SNX4: variants seen among roughly 807,000 people sequenced by gnomAD.
The protein encoded by SNX4 is sorting nexin-4.
In SNX4, 49 loss-of-function variants were observed where a neutral mutation model predicts 70.8. The ratio of observed to expected loss-of-function variants is 0.69; its 90% CI spans 0.55 to 0.88. The LOEUF is 0.88. SNX4 is among the 40% of genes least tolerant of loss of function. The probability of loss-of-function intolerance (pLI) is 0.00; values close to 1 mark genes in which losing one functional copy is unlikely to be tolerated. For synonymous variants in SNX4, 206 were observed against 183.8 expected (o/e 1.12, Z -0.98); for missense variants, 528 against 544.8 (o/e 0.97, Z 0.31).
chr3:125,470,797 G>A (rs1934149838), intron 8 of SNX4, among the ~76,000 whole-genome samples: 1 of 152,116 alleles, frequency 6.6e-6, no homozygotes, highest in African/African-American at 2.4e-5. Flanking sequence ...TGTGCAAATA[G>A]GTTCTATTTG....
At chr3:125,451,483 A>C in intron 12 of SNX4, 64 bp from the exon 13 acceptor site, 1 of 1,194,646 alleles carries the variant, frequency 8.4e-7, no homozygotes, top group Non-Finnish European at 1.2e-6. Flanking sequence ...TAAAAAGTTA[A>C]CCAGTTCTCA....
At chr3:125,483,442 T>C (rs537891887) in intron 6 of SNX4, among the ~76,000 whole-genome samples, 23 of 152,300 alleles carry the variant, frequency 1.5e-4, no homozygotes, top group African/African-American at 5.3e-4. Context: ...CTGGCATGAC[T>C]ACAAAATTCT....
At position 125,497,329 on chromosome 3, in the gene SNX4, A is replaced by C; in HGVS notation, c.597+12T>G. ...TAAAGGAACATGGCAAATTTCATATAAATATTCTTACCTTCAGCTGAAACC... is the reference window on the plus strand; with the variant it reads ...TAAAGGAACATGGCAAATTTCATATCAATATTCTTACCTTCAGCTGAAACC... On this transcript the variant is annotated intron_variant, in intron 5 of 13. Coordinates refer to ENST00000251775, the MANE Select transcript of SNX4 (RefSeq NM_003794.4). 3 of 1,588,624 alleles carry C rather than the reference A, an allele frequency of 1.9e-6. No individual in the cohort carries two copies. Among genetic ancestry groups the C allele is most frequent in the Non-Finnish European group, 8.6e-7 (1 of 1,158,828 alleles).
intron 5 of SNX4, among the ~76,000 whole-genome samples, chr3:125,495,541 A>G (rs988653970): frequency 2.0e-5 from 3 of 151,874 alleles, no homozygotes; most frequent in Non-Finnish European, 2.9e-5. Flanking sequence ...TTACCTTTCA[A>G]ATACTTTTCA....
At chr3:125,465,182 A>G (rs900524164) in intron 9 of SNX4, among the ~76,000 whole-genome samples, 3 of 151,996 alleles carry the variant, frequency 2.0e-5, no homozygotes, top group African/African-American at 4.8e-5. Flanking sequence ...TACCTGGTCA[A>G]TCTGTTTAAC....
intron 9 of SNX4, among the ~76,000 whole-genome samples, chr3:125,463,809 G>C (rs1933939290): frequency 6.6e-6 from 1 of 152,136 alleles, no homozygotes; most frequent in Non-Finnish European, 1.5e-5. Context: ...GAATATTTAA[G>C]ATCTATTTTT....
intron 11 of SNX4, among the ~76,000 whole-genome samples, chr3:125,454,658 G>T (rs1933663624): frequency 6.6e-6 from 1 of 152,156 alleles, no homozygotes; most frequent in Non-Finnish European, 1.5e-5. Context: ...TCTCACTGAA[G>T]ATACTGAGGG....
Position 125,453,857 on chromosome 3 carries a change from T to G in SNX4, c.1143A>C (p.Gln381His), listed in dbSNP as rs1933641907. The G allele has an allele frequency of 1.2e-6, 2 of 1,613,980 alleles. No homozygotes were observed. ...REARIKVLEE[Q>H]INEGEQQLKS... Reference sequence around the variant, plus strand: ...TTAGCTGTTGTTCTCCTTCATTTATTTGTTCTTCTAGCACCTTTATTCTGG... The same window carrying G: ...TTAGCTGTTGTTCTCCTTCATTTATGTGTTCTTCTAGCACCTTTATTCTGG... Residue 381 changes from glutamine to histidine, a missense_variant, in exon 12 of 14, where the codon CAA (glutamine) becomes CAC (histidine). Physicochemically the swap from Gln to His is conservative, Grantham distance 24. Around this residue, in one of 3 missense-constraint regions of SNX4, gnomAD observed 159 missense variants for 172.6 expected, o/e 0.92. Transcript: ENST00000251775.
At chr3:125,478,838 A>T (rs751878356) in intron 7 of SNX4, among the ~76,000 whole-genome samples, 3 of 152,118 alleles carry the variant, frequency 2.0e-5, no homozygotes, top group Non-Finnish European at 2.9e-5. Context: ...ACTATTGCCT[A>T]ATTTGTCTGG....
chr3:125,509,576 AC>A (rs1935124740), intron 1 of SNX4, among the ~76,000 whole-genome samples: 1 of 151,848 alleles, frequency 6.6e-6, no homozygotes, highest in South Asian at 2.1e-4. Context: ...ACATGGTGAA[AC>A]CCTGTCTCTA....
At chr3:125,455,542 T>G (rs937863078) in intron 11 of SNX4, among the ~76,000 whole-genome samples, 4 of 152,210 alleles carry the variant, frequency 2.6e-5, no homozygotes, top group Admixed American at 2.6e-4. Context: ...TCCCTTGACA[T>G]GTAGGATAGA....
chr3:125,454,020 G>T, intron 11 of SNX4, 65 bp from the exon 12 acceptor site: 1 of 1,366,720 alleles, frequency 7.3e-7, no homozygotes, highest in East Asian at 2.3e-5. Context: ...ACATACAATG[G>T]AACATTATTC....
At chr3:125,451,011 A>T (rs1380805436) in intron 13 of SNX4, among the ~76,000 whole-genome samples, 1 of 152,204 alleles carries the variant, frequency 6.6e-6, no homozygotes, top group African/African-American at 2.4e-5. Context: ...CGCACCTGTA[A>T]TTGCAGCACT....
intron 7 of SNX4, among the ~76,000 whole-genome samples, chr3:125,478,418 CTTTT>C (rs72363640): frequency 1.4e-5 from 2 of 145,494 alleles, no homozygotes; most frequent in Non-Finnish European, 3.0e-5. Flanking sequence ...TTTTTCTTTT[CTTTT>C]TTTTTTTTAA....
At chr3:125,475,792 C>A (rs893912577) in intron 8 of SNX4, among the ~76,000 whole-genome samples, 4 of 152,100 alleles carry the variant, frequency 2.6e-5, no homozygotes, top group African/African-American at 9.7e-5. Flanking sequence ...GCCTGGGCAA[C>A]ATAGTAAAGT....
chr3:125,456,049 G>C (rs1259501220), intron 11 of SNX4, among the ~76,000 whole-genome samples: 1 of 152,138 alleles, frequency 6.6e-6, no homozygotes, highest in African/African-American at 2.4e-5. Flanking sequence ...TATTAACTAA[G>C]TAGAGACATT....
At chr3:125,457,560 A>G (rs1476769794) in intron 10 of SNX4, among the ~76,000 whole-genome samples, 195 bp from the exon 11 acceptor site, 2 of 149,048 alleles carry the variant, frequency 1.3e-5, no homozygotes, top group African/African-American at 5.0e-5. Flanking sequence ...AACCATAAAA[A>G]CTTCATATAT....
At chr3:125,489,353 G>C (rs1934600828) in intron 6 of SNX4, 55 bp downstream of exon 6, 1 of 1,292,122 alleles carries the variant, frequency 7.7e-7, no homozygotes, top group Admixed American at 1.9e-5. Context: ...AAATTAAATA[G>C]ATTGATAGCA....
At chr3:125,468,380 A>G (rs931116605) in intron 9 of SNX4, among the ~76,000 whole-genome samples, 5 of 152,152 alleles carry the variant, frequency 3.3e-5, no homozygotes, top group Non-Finnish European at 7.4e-5. Context: ...CCCTGAACCT[A>G]TAATAGAAGT....
Sources: gnomAD v4.1 joint callset for allele counts (sites outside exome capture counted in the v4.1 genomes callset) on GRCh38, gnomAD v4.1.1 for gene constraint, gnomAD v4.1.1 regional missense constraint, MANE v1.5 for transcripts, NCBI Gene and HGNC (gene_info 2026-07-23, HGNC 2026-07-21) for gene names.